The following PDE4D variants were observed in gnomAD, a reference collection of about 807,000 sequenced individuals.
PDE4D encodes phosphodiesterase 4D.
Under a neutral mutation model 87.4 loss-of-function variants are expected in PDE4D, and 24 were observed. The ratio of observed to expected loss-of-function variants is 0.27; its 90% CI spans 0.20 to 0.39. The LOEUF (loss-of-function observed/expected upper bound fraction) is 0.39, where lower values mean the gene tolerates loss of function less well. PDE4D is among the 10% of genes least tolerant of loss of function. The pLI is 1.00. For synonymous variants in PDE4D, 384 were observed against 383.2 expected (o/e 1.00, Z -0.02); for missense variants, 714 against 1,041.0 (o/e 0.69, Z 4.32).
At chr5:59,339,114 A>G (rs1397802626) in intron 1 of PDE4D, among the ~76,000 whole-genome samples, 1 of 152,224 alleles carries the variant, frequency 6.6e-6, no homozygotes, top group Non-Finnish European at 1.5e-5. Flanking sequence ...CCTACACAAA[A>G]AGAGACCTAG....
chr5:60,256,904 T>C (rs1023998525), intron 1 of PDE4D, among the ~76,000 whole-genome samples: 8 of 151,752 alleles, frequency 5.3e-5, no homozygotes, highest in African/African-American at 1.9e-4. Flanking sequence ...CATGTTGAAT[T>C]TCACATACGT....
intron 1 of PDE4D, among the ~76,000 whole-genome samples, chr5:59,311,801 C>T (rs1009743613): frequency 6.6e-6 from 1 of 152,152 alleles, no homozygotes; most frequent in Non-Finnish European, 1.5e-5. Flanking sequence ...AGCCAGAGGT[C>T]CCCTATTTAC....
intron 2 of PDE4D, among the ~76,000 whole-genome samples, chr5:60,107,589 C>A (rs955325666): frequency 7.9e-5 from 12 of 152,284 alleles, no homozygotes; most frequent in Middle Eastern, 3.4e-3. Context: ...CCTTGATGAA[C>A]ATTGATGCAA....
intron 1 of PDE4D, among the ~76,000 whole-genome samples, chr5:60,386,552 G>C (rs529608557): frequency 1.3e-5 from 2 of 152,158 alleles, no homozygotes; most frequent in Non-Finnish European, 2.9e-5. Flanking sequence ...ACTTGCTTCC[G>C]TTCCTCTGCA....
At chr5:59,465,146 G>A (rs1382734608) in intron 1 of PDE4D, among the ~76,000 whole-genome samples, 2 of 152,132 alleles carry the variant, frequency 1.3e-5, no homozygotes, top group Admixed American at 6.5e-5. Flanking sequence ...TCAAGTTACT[G>A]GCTTCCTGTT....
chr5:59,403,359 T>C (rs529784722), intron 1 of PDE4D, among the ~76,000 whole-genome samples: 1 of 152,318 alleles, frequency 6.6e-6, no homozygotes, highest in East Asian at 1.9e-4. Flanking sequence ...CTGTTGACTG[T>C]AGTCACCCTG....
intron 2 of PDE4D, among the ~76,000 whole-genome samples, chr5:60,023,290 T>A (rs1255717681): frequency 6.6e-6 from 1 of 152,164 alleles, no homozygotes; most frequent in Non-Finnish European, 1.5e-5. Context: ...CTACCTCAAC[T>A]GTTTTCTTAA....
intron 1 of PDE4D, among the ~76,000 whole-genome samples, chr5:59,666,856 C>T (rs1042203777): frequency 4.6e-5 from 7 of 152,166 alleles, no homozygotes; most frequent in Non-Finnish European, 7.3e-5. Flanking sequence ...GTCGGCCAGC[C>T]TTGATGTCAG....
At chr5:60,207,506 G>C (rs1205222981) in intron 1 of PDE4D, among the ~76,000 whole-genome samples, 2 of 152,246 alleles carry the variant, frequency 1.3e-5, no homozygotes, top group East Asian at 3.9e-4. Flanking sequence ...TTATTTTACA[G>C]CATAACTTGA....
chr5:59,876,790 G>A (rs759375358), intron 1 of PDE4D, among the ~76,000 whole-genome samples: 3 of 152,094 alleles, frequency 2.0e-5, no homozygotes, highest in African/African-American at 7.2e-5. Context: ...TCTATAAATG[G>A]CTATCTCAGT....
intron 1 of PDE4D, among the ~76,000 whole-genome samples, chr5:59,624,951 G>A (rs1354053129): frequency 6.6e-6 from 1 of 152,094 alleles, no homozygotes; most frequent in Non-Finnish European, 1.5e-5. Flanking sequence ...TTATTGATAG[G>A]AATTCCACAT....
chr5:59,978,768 A>C (rs1761611425), intron 3 of PDE4D, among the ~76,000 whole-genome samples: 1 of 152,182 alleles, frequency 6.6e-6, no homozygotes, highest in South Asian at 2.1e-4. Context: ...GGCAATTTTC[A>C]CTGTAGTGTT....
At chr5:60,297,257 C>G (rs1292972207) in intron 1 of PDE4D, among the ~76,000 whole-genome samples, 1 of 152,000 alleles carries the variant, frequency 6.6e-6, no homozygotes, top group African/African-American at 2.4e-5. Context: ...TAAACCTTAC[C>G]CTTCTTGGGT....
intron 1 of PDE4D, among the ~76,000 whole-genome samples, chr5:59,243,983 TGAAA>T (rs1561795973): frequency 6.6e-6 from 1 of 151,948 alleles, no homozygotes; most frequent in African/African-American, 2.4e-5. Flanking sequence ...TGCCCAACAA[TGAAA>T]GAATGGCTAA....
intron 1 of PDE4D, among the ~76,000 whole-genome samples, chr5:59,784,178 T>C (rs1764910415): frequency 1.3e-5 from 2 of 150,864 alleles, no homozygotes; most frequent in Admixed American, 1.3e-4. Flanking sequence ...TTCCCTCCCA[T>C]AACCCACAGC....
intron 2 of PDE4D, among the ~76,000 whole-genome samples, chr5:59,198,311 ATATG>A (rs902107224): frequency 6.6e-6 from 1 of 152,106 alleles, no homozygotes. Flanking sequence ...CTGCGTGTCT[ATATG>A]TATGTATGTA....
chr5:59,626,886 C>T (rs1408203970), intron 1 of PDE4D, among the ~76,000 whole-genome samples: 1 of 152,146 alleles, frequency 6.6e-6, no homozygotes, highest in East Asian at 1.9e-4. Context: ...TAAATAAGAT[C>T]TTTAATTTCT....
intron 1 of PDE4D, among the ~76,000 whole-genome samples, chr5:59,710,277 G>A (rs967657746): frequency 6.6e-6 from 1 of 151,994 alleles, no homozygotes; most frequent in Admixed American, 6.6e-5. Context: ...GTACAGGAAG[G>A]GCCTGTACTT....
intron 2 of PDE4D, among the ~76,000 whole-genome samples, chr5:60,098,169 G>A (rs900591691): frequency 2.6e-5 from 4 of 151,808 alleles, no homozygotes; most frequent in Admixed American, 6.6e-5. Flanking sequence ...CACACAGCCT[G>A]GAAGTTGGTT....
Sources: allele counts gnomAD v4.1 joint callset (sites outside exome capture counted in the v4.1 genomes callset), GRCh38; gene constraint gnomAD v4.1.1; transcripts MANE v1.5; gene names NCBI Gene and HGNC (gene_info 2026-07-23, HGNC 2026-07-21).